The following PKIB variants were observed in gnomAD, a reference collection of about 807,000 sequenced individuals.
PKIB encodes PKI-beta.
A neutral mutation model predicts 4.5 loss-of-function variants in PKIB; 2 were observed. That is an observed-to-expected ratio of 0.44 (90% CI 0.18 to 1.39). The LOEUF (loss-of-function observed/expected upper bound fraction) is 1.39, where lower values mean the gene tolerates loss of function less well. Ranked by LOEUF, PKIB falls within the 40% of genes most tolerant of loss-of-function variation. The probability of loss-of-function intolerance (pLI) is 0.27; values close to 1 mark genes in which losing one functional copy is unlikely to be tolerated. For synonymous variants in PKIB, 38 were observed against 36.0 expected (o/e 1.06, Z -0.20); for missense variants, 94 against 92.6 (o/e 1.02, Z -0.06).
At chr6:122,575,807 T>C (rs1253288876) in intron 2 of PKIB, among the ~76,000 whole-genome samples, 1 of 152,172 alleles carries the variant, frequency 6.6e-6, no homozygotes, top group Admixed American at 6.5e-5. Flanking sequence ...TTGGGTACAA[T>C]GTGTACTGCT....
intron 2 of PKIB, among the ~76,000 whole-genome samples, chr6:122,635,564 TAAAA>T (rs1236627498): frequency 6.9e-6 from 1 of 144,068 alleles, no homozygotes; most frequent in Admixed American, 6.9e-5. Flanking sequence ...AAAAAAAAAC[TAAAA>T]AAAGTATCAC....
At chr6:122,553,842 T>A (rs1465456231) in intron 2 of PKIB, among the ~76,000 whole-genome samples, 1 of 152,118 alleles carries the variant, frequency 6.6e-6, no homozygotes, top group Non-Finnish European at 1.5e-5. Flanking sequence ...GCAGCTATAT[T>A]TTCACTCCTG....
chr6:122,522,330 G>A (rs1776970026), intron 2 of PKIB, among the ~76,000 whole-genome samples: 1 of 152,120 alleles, frequency 6.6e-6, no homozygotes, highest in African/African-American at 2.4e-5. Context: ...TGTCGGGGTG[G>A]GATCCACTGA....
At chr6:122,510,382 T>C (rs780680951) in intron 2 of PKIB, among the ~76,000 whole-genome samples, 17 of 152,230 alleles carry the variant, frequency 1.1e-4, no homozygotes, top group Non-Finnish European at 2.4e-4. Context: ...TGGGACTGTT[T>C]AACATACCCT....
intron 3 of PKIB, among the ~76,000 whole-genome samples, chr6:122,699,020 A>G (rs1030516039): frequency 1.3e-5 from 2 of 152,090 alleles, no homozygotes; most frequent in African/African-American, 4.8e-5. Context: ...ACGTCAAACA[A>G]ATCTTCCTGG....
chr6:122,690,487 C>T (rs879333683), intron 3 of PKIB, among the ~76,000 whole-genome samples: 10 of 151,982 alleles, frequency 6.6e-5, no homozygotes, highest in Admixed American at 6.6e-4. Flanking sequence ...TGATGACAGC[C>T]TAACACTAAT....
chr6:122,724,780 C>T (rs866519611), intron 4 of PKIB, among the ~76,000 whole-genome samples: 12 of 152,274 alleles, frequency 7.9e-5, no homozygotes, highest in Admixed American at 5.2e-4. Context: ...ACATACACCA[C>T]GGAGTCAGTT....
At chr6:122,657,398 C>A (rs376698059) in intron 2 of PKIB, among the ~76,000 whole-genome samples, 2 of 152,148 alleles carry the variant, frequency 1.3e-5, no homozygotes, top group African/African-American at 4.8e-5. Flanking sequence ...TGTTAGTGAT[C>A]ACCTACCCCC....
intron 2 of PKIB, among the ~76,000 whole-genome samples, chr6:122,578,791 G>A (rs1251332073): frequency 2.6e-5 from 4 of 152,154 alleles, no homozygotes; most frequent in African/African-American, 9.7e-5. Flanking sequence ...TCCATGTGTC[G>A]TGGGAGGGAC....
chr6:122,640,029 A>T (rs2566829), intron 2 of PKIB, among the ~76,000 whole-genome samples: 58,455 of 151,986 alleles, frequency 0.38, 12,404 homozygotes, highest in South Asian at 0.64. Flanking sequence ...CAAATCTCTC[A>T]TCTCTGATCC....
chr6:122,512,917 A>G (rs2114584217), intron 2 of PKIB, among the ~76,000 whole-genome samples: 1 of 152,222 alleles, frequency 6.6e-6, no homozygotes, highest in African/African-American at 2.4e-5. Flanking sequence ...TAAAATATAT[A>G]TCTCCCTTTC....
At chr6:122,529,554 A>G (rs759081292) in intron 2 of PKIB, among the ~76,000 whole-genome samples, 1 of 152,114 alleles carries the variant, frequency 6.6e-6, no homozygotes, top group Non-Finnish European at 1.5e-5. Flanking sequence ...GCTGTCTACT[A>G]TCCTTTTGTT....
At chr6:122,576,710 A>ATATT (rs59569106) in intron 2 of PKIB, among the ~76,000 whole-genome samples, 141 of 109,940 alleles carry the variant, frequency 1.3e-3, no homozygotes, top group Middle Eastern at 4.6e-3. Context: ...ATATATATAT[A>ATATT]TTTTCTTTTG....
intron 1 of PKIB, among the ~76,000 whole-genome samples, chr6:122,623,799 T>A (rs888956698): frequency 6.6e-6 from 1 of 152,068 alleles, no homozygotes; most frequent in African/African-American, 2.4e-5. Flanking sequence ...CAATTAAGTT[T>A]TTTTCTAAGA....
At chr6:122,599,502 A>G (rs1041371396) in intron 3 of PKIB, among the ~76,000 whole-genome samples, 1 of 152,142 alleles carries the variant, frequency 6.6e-6, no homozygotes, top group Non-Finnish European at 1.5e-5. Flanking sequence ...CTTTTTCTCT[A>G]CAGGAGATAA....
intron 3 of PKIB, among the ~76,000 whole-genome samples, chr6:122,684,893 T>G (rs1333856039): frequency 6.6e-6 from 1 of 152,186 alleles, no homozygotes; most frequent in Non-Finnish European, 1.5e-5. Context: ...AAAAATAAAC[T>G]GGATAAGGTA....
intron 2 of PKIB, among the ~76,000 whole-genome samples, chr6:122,501,388 C>T (rs894180686): frequency 5.3e-5 from 8 of 152,188 alleles, no homozygotes; most frequent in African/African-American, 1.9e-4. Flanking sequence ...GATGGCTCTG[C>T]CACTGCAGCG....
intron 2 of PKIB, among the ~76,000 whole-genome samples, chr6:122,509,383 T>C (rs915731715): frequency 4.6e-5 from 7 of 152,148 alleles, no homozygotes; most frequent in African/African-American, 1.7e-4. Context: ...TTATTGGGCT[T>C]AGTGCCATAA....
chr6:122,552,378 G>C (rs1403512893), intron 2 of PKIB, among the ~76,000 whole-genome samples: 1 of 151,786 alleles, frequency 6.6e-6, no homozygotes. Context: ...GTTTTGTTTT[G>C]TTTTGTTTTG....
Sources: allele counts gnomAD v4.1 joint callset (sites outside exome capture counted in the v4.1 genomes callset), GRCh38; gene constraint gnomAD v4.1.1; transcripts MANE v1.5; gene names NCBI Gene and HGNC (gene_info 2026-07-23, HGNC 2026-07-21).